The following DEF8 variants were observed in gnomAD, a reference collection of about 807,000 sequenced individuals.
The protein encoded by DEF8 is differentially expressed in FDCP 8 homolog.
In DEF8, 38 loss-of-function variants were observed where a neutral mutation model predicts 59.1. The ratio of observed to expected loss-of-function variants is 0.64; its 90% CI spans 0.50 to 0.84. DEF8 has a LOEUF of 0.84. Ranked by LOEUF, DEF8 falls within the 40% of genes least tolerant of loss-of-function variation. DEF8 has a pLI of 0.00. For missense variants in DEF8, 557 were observed against 615.2 expected (o/e 0.91, Z 1.00); for synonymous variants, 265 against 250.1 (o/e 1.06, Z -0.56).
At chr16:89,952,236 C>T (rs537334498) in intron 2 of DEF8, among the ~76,000 whole-genome samples, 12 of 152,328 alleles carry the variant, frequency 7.9e-5, no homozygotes, top group African/African-American at 1.9e-4. Flanking sequence ...GGCCGGATGC[C>T]GTCCTCCTGC....
At chr16:89,959,533 C>T (rs572558041) in intron 6 of DEF8, among the ~76,000 whole-genome samples, 12 of 152,332 alleles carry the variant, frequency 7.9e-5, no homozygotes, top group Non-Finnish European at 1.8e-4. Context: ...CTCACTCAAT[C>T]GCCCAGGCTG....
intron 2 of DEF8, among the ~76,000 whole-genome samples, chr16:89,951,952 A>C (rs1419165966): frequency 6.6e-6 from 1 of 150,776 alleles, no homozygotes; most frequent in Non-Finnish European, 1.5e-5. Context: ...TTCTCGGCTC[A>C]CTGCAAGCTC....
intron 2 of DEF8, chr16:89,949,958 G>A: frequency 1.1e-6 from 1 of 933,654 alleles, no homozygotes; most frequent in Non-Finnish European, 1.4e-6. Flanking sequence ...CAGAAGCTAA[G>A]GCTGCGAGGC....
intron 5 of DEF8, 62 bp from the exon 6 acceptor site, chr16:89,958,952 C>G (rs201331177): frequency 6.3e-7 from 1 of 1,586,182 alleles, no homozygotes; most frequent in Admixed American, 1.7e-5. Flanking sequence ...GGGGCTTGTG[C>G]GAAGGGAAAG....
In DEF8 at chr16:89,957,061, G is replaced by A. The variant is rs572128546; in HGVS notation, c.223-450G>A. The stretch of plus-strand genomic sequence containing the variant: ...GCCCCCTGGTCGCTATGTGGCGAAA[G>A]CAACCAGAAGTGCTGGGGCTGGCTC... On this transcript the variant is annotated intron_variant, in intron 4 of 12. Transcript: ENST00000563594. Among the ~76,000 whole-genome samples the A allele has an allele frequency of 3.4e-4, 52 of 152,336 alleles. 2 individuals are homozygous for A. The South Asian group carries it at 0.01, about 30-fold the overall frequency.
At position 89,962,100 on chromosome 16, in the gene DEF8, A is replaced by T; in HGVS notation, c.896A>T (p.Tyr299Phe). 6.2e-7 allele frequency: 1 copy of T among 1,613,820 alleles called. No individual in the cohort carries two copies. Among genetic ancestry groups the T allele is most frequent in the Non-Finnish European group, 8.5e-7 (1 of 1,179,852 alleles). The change falls in exon 9 of 13, where the codon TAC becomes TTC. Residue 299 changes from tyrosine to phenylalanine, a missense_variant. By Grantham distance (22) the Tyr-to-Phe change is conservative. Transcript: ENST00000563594. ...LREINPLLFS[Y>F]VEELVEIRKL... ...GAGATCAACCCTCTGCTGTTCAGCT[A>T]CGTGGAGGAGCTGGTGGAGATTCGC... is the stretch of plus-strand genomic sequence containing the variant.
rs146440314 is a variant in DEF8, at chr16:89,949,498, C to T, written c.-26C>T. ...TCCTGTCCCTGCGAGCCCCTGGGCC[C>T]TGGCAGGCGATGCAGGTATGGGCAG... On this transcript the variant is annotated 5_prime_UTR_variant, in exon 2 of 13. Coordinates refer to ENST00000563594, the MANE Select transcript of DEF8 (RefSeq NM_001242818.2). The T allele has an allele frequency of 9.2e-5, 149 of 1,613,114 alleles. No homozygotes were observed. The African/African-American group carries it at 1.9e-3, about 20-fold the overall frequency.
At chr16:89,960,837 G>A in intron 6 of DEF8, 94 bp from the exon 7 acceptor site, 2 of 1,361,892 alleles carry the variant, frequency 1.5e-6, no homozygotes, top group South Asian at 1.3e-5. Context: ...GCCTCAGAGT[G>A]GAACCCACGG....
At chr16:89,955,825 C>G (rs927034682) in intron 4 of DEF8, among the ~76,000 whole-genome samples, 29 of 152,234 alleles carry the variant, frequency 1.9e-4, no homozygotes, top group Admixed American at 1.4e-3. Flanking sequence ...GTAATCCCAG[C>G]ACTTTGGGAG....
At position 89,963,640 on chromosome 16, in the gene DEF8, C is replaced by T. The variant is rs540337348; in HGVS notation, c.1002+197C>T. On this transcript the variant is annotated intron_variant, in intron 10 of 12. Coordinates refer to ENST00000563594, the MANE Select transcript of DEF8 (RefSeq NM_001242818.2). ...CTCCAGTCAGTTCCGTTTGGCAAAC[C>T]CTGCAGCCCTTATGTGAATCTCCAT... Among the ~76,000 whole-genome samples, 16 of 152,260 alleles carry T rather than the reference C, an allele frequency of 1.1e-4. No homozygotes were observed. In the South Asian group the frequency reaches 3.1e-3, roughly 30 times the overall value.
chr16:89,948,813 A>G lies in DEF8; in HGVS notation c.-109A>G. 4 of 971,394 alleles carry G rather than the reference A, an allele frequency of 4.1e-6. No homozygotes were observed. The highest frequency in any genetic ancestry group is 4.8e-6 in the Non-Finnish European group (4 of 826,072). 60.2% of individuals were successfully genotyped at this position (971,394 alleles called of 1,614,324 possible). A position where few individuals can be genotyped will look rare whatever the true frequency, so the allele number is the denominator to read the frequency against. On this transcript the variant is annotated splice_region_variant and 5_prime_UTR_variant, in exon 1 of 13. Coordinates refer to ENST00000563594, the MANE Select transcript of DEF8 (RefSeq NM_001242818.2). ...GGGAGACAGATGCGAGGCGGCGGTC[A>G]GGTGAGCGGCGCGGGGCCGGCGGGG...
rs972133326 is a variant in DEF8, at chr16:89,954,429, C to T, written c.124+53C>T. On this transcript the variant is annotated intron_variant, in intron 3 of 12. Transcript: ENST00000563594. The surrounding 1 kb of genome is among the most constrained non-coding windows in gnomAD (Gnocchi z 4.3). The stretch of plus-strand genomic sequence containing the variant: ...AGCTGGGCAGGTCTCTGACTGCTTA[C>T]GTGGACCCCTCCTTTCTTCCTGCCG... The T allele has an allele frequency of 1.4e-4, 227 of 1,580,096 alleles. No individual in the cohort carries two copies. The highest frequency in any genetic ancestry group is 7.3e-4 in the African/African-American group (54 of 73,858).
chr16:89,956,223 G>A (rs1297651874), intron 4 of DEF8, among the ~76,000 whole-genome samples: 5 of 152,112 alleles, frequency 3.3e-5, no homozygotes, highest in African/African-American at 9.7e-5. Flanking sequence ...TTGGGAGGCC[G>A]AGGCGGGCGG....
At chr16:89,963,896 G>C in intron 10 of DEF8, 1 of 556,058 alleles carries the variant, frequency 1.8e-6, no homozygotes, top group Non-Finnish European at 3.3e-6. Flanking sequence ...GGTGGGGAAT[G>C]TGGGAAGCGT....
At chr16:89,950,405 T>G (rs2031795267) in intron 2 of DEF8, 1 of 845,226 alleles carries the variant, frequency 1.2e-6, no homozygotes, top group Admixed American at 6.2e-5. Context: ...TTTTTTTTTT[T>G]TGAGATGGAG....
In DEF8 at chr16:89,964,321, GC is replaced by G; in HGVS notation, c.1143+14del. The G allele has an allele frequency of 6.4e-7, 1 of 1,573,384 alleles. No homozygotes were observed. The highest frequency in any genetic ancestry group is 8.6e-7 in the Non-Finnish European group (1 of 1,160,124). Reference sequence around the variant, plus strand: ...AAGCTGGACTGCGAGGTGGGCCTCTGCCCGAGGGCCGCTCTTCTCCAACCCC... The same window carrying G: ...AAGCTGGACTGCGAGGTGGGCCTCTGCCGAGGGCCGCTCTTCTCCAACCCC... On this transcript the variant is annotated intron_variant, in intron 11 of 12. Transcript: ENST00000563594.
At chr16:89,962,436 T>A (rs1051123517) in intron 9 of DEF8, among the ~76,000 whole-genome samples, 7 of 152,158 alleles carry the variant, frequency 4.6e-5, no homozygotes, top group African/African-American at 1.7e-4. Flanking sequence ...GGTGGGTGGA[T>A]CACTTGAGGT....
At position 89,967,842 on chromosome 16, in the gene DEF8, CAT is replaced by C. The variant is rs1390698351; in HGVS notation, c.*1880_*1881del. 6.1e-6 allele frequency: 1 copy of C among 163,974 alleles called. No homozygotes were observed. Among genetic ancestry groups the C allele is most frequent in the Non-Finnish European group, 1.3e-5 (1 of 76,222 alleles). 10.2% of individuals were successfully genotyped at this position (163,974 alleles called of 1,614,324 possible). The stretch of plus-strand genomic sequence containing the variant: ...CCTTTTATTTTTACCTGCCACCCAG[CAT>C]CTCCCCCACCTGCCCCTTCTGGGTG... On this transcript the variant is annotated 3_prime_UTR_variant, in exon 13 of 13. Coordinates refer to ENST00000563594, the MANE Select transcript of DEF8 (RefSeq NM_001242818.2).
chr16:89,950,736 T>C (rs1180836903), intron 2 of DEF8, among the ~76,000 whole-genome samples: 1 of 151,968 alleles, frequency 6.6e-6, no homozygotes, highest in Non-Finnish European at 1.5e-5. Context: ...TCCCAGCAAT[T>C]TGGGAGGCAG....
Sources: gnomAD v4.1 joint callset for allele counts (sites outside exome capture counted in the v4.1 genomes callset) on GRCh38, gnomAD v4.1.1 for gene constraint, Gnocchi (gnomAD v3.1) non-coding constraint, MANE v1.5 for transcripts, NCBI Gene and HGNC (gene_info 2026-07-23, HGNC 2026-07-21) for gene names.